CAPN14: variants seen among roughly 807,000 people sequenced by gnomAD.
The protein encoded by CAPN14 is calpain-14.
A neutral mutation model predicts 101.3 loss-of-function variants in CAPN14; 94 were observed. The ratio of observed to expected loss-of-function variants is 0.93; its 90% CI spans 0.79 to 1.10. CAPN14 has a LOEUF of 1.10. Ranked by LOEUF, CAPN14 falls within the 50% of genes least tolerant of loss-of-function variation. CAPN14 has a pLI of 0.00. For missense variants in CAPN14, 837 were observed against 828.4 expected (o/e 1.01, Z -0.13); for synonymous variants, 338 against 317.9 (o/e 1.06, Z -0.67).
Position 31,178,559 on chromosome 2 carries a change from C to T in CAPN14, c.1731G>A (p.Met577Ile), listed in dbSNP as rs1435322160. ...ALLDLNASGT[M>I]SIQEFRDLWK... ...ACAGGTCCCTGAATTCCTGGATGCT[C>T]ATAGTACCTGATGCATTAAGCTGAT... The change falls in exon 18 of 22, where the codon ATG (methionine) becomes ATA (isoleucine). Residue 577 changes from methionine (M) to isoleucine (I), a missense_variant. By Grantham distance (10) the Met-to-Ile change is conservative. Transcript: ENST00000403897. The T allele has an allele frequency of 6.5e-7, 1 of 1,547,020 alleles. No homozygotes were observed. Among genetic ancestry groups the T allele is most frequent in the Admixed American group, 2.0e-5 (1 of 50,134 alleles).
intron 2 of CAPN14, among the ~76,000 whole-genome samples, chr2:31,222,802 G>A (rs373524599): frequency 2.2e-4 from 33 of 152,236 alleles, no homozygotes; most frequent in African/African-American, 7.7e-4. Context: ...GAATGTTTGC[G>A]ACCTCCCAAA....
chr2:31,199,347 G>A (rs1354154149), intron 7 of CAPN14, 123 bp downstream of exon 7: 2 of 823,090 alleles, frequency 2.4e-6, no homozygotes, highest in African/African-American at 1.7e-5. Flanking sequence ...GAGGCACAGG[G>A]ACCCACCAAA....
rs577075208 is a variant in CAPN14, at chr2:31,181,795, A to G, written c.1646-795T>C. ...GTGTTTGGTTTTTTGTCCTTGCGAT[A>G]GTTTACTGAGAATGATGATTTCCAA... is the stretch of plus-strand genomic sequence containing the variant. On this transcript the variant is annotated intron_variant, in intron 16 of 21. Coordinates refer to ENST00000403897, the MANE Select transcript of CAPN14 (RefSeq NM_001145122.2). Among the ~76,000 whole-genome samples, 130 of 147,758 alleles carry G rather than the reference A, an allele frequency of 8.8e-4. 1 individual carries two copies. The highest frequency in any genetic ancestry group is 6.8e-4 in the Non-Finnish European group (46 of 67,526).
At chr2:31,183,883 A>T (rs191744469) in intron 16 of CAPN14, among the ~76,000 whole-genome samples, 1,534 of 102,698 alleles carry the variant, frequency 0.015, 17 homozygotes, top group Non-Finnish European at 0.022. Context: ...CTTTTCTTTC[A>T]CTTTCTTTCT....
At position 31,197,347 on chromosome 2, in the gene CAPN14, A is replaced by C; in HGVS notation, c.790-13T>G. ...GTTTGCAGGTCACCTGCATAAAATG[A>C]GAGGCAGTTTAGGTGACTGGGCTGA... is the stretch of plus-strand genomic sequence containing the variant. On this transcript the variant is annotated splice_polypyrimidine_tract_variant and intron_variant, in intron 7 of 21. Coordinates refer to ENST00000403897, the MANE Select transcript of CAPN14 (RefSeq NM_001145122.2). 2 of 1,539,018 alleles carry C rather than the reference A, an allele frequency of 1.3e-6. No homozygotes were observed. Among genetic ancestry groups the C allele is most frequent in the Non-Finnish European group, 8.8e-7 (1 of 1,135,446 alleles).
intron 21 of CAPN14, among the ~76,000 whole-genome samples, chr2:31,174,908 C>A (rs1680218780): frequency 6.6e-6 from 1 of 152,220 alleles, no homozygotes; most frequent in Non-Finnish European, 1.5e-5. Flanking sequence ...TGAATGATGA[C>A]AGTCAAATAC....
At chr2:31,174,750 C>A (rs758171099) in intron 21 of CAPN14, 43 bp from the exon 22 acceptor site, 2 of 1,548,554 alleles carry the variant, frequency 1.3e-6, no homozygotes, top group African/African-American at 1.4e-5. Context: ...TTCAGACCCA[C>A]GTCTCATCTG....
At chr2:31,220,531 AAACT>A (rs1335852326), upstream of CAPN14, among the ~76,000 whole-genome samples, 3 of 152,170 alleles carry the variant, frequency 2.0e-5, no homozygotes, top group Non-Finnish European at 2.9e-5. Context: ...AAGCTTCATA[AAACT>A]AACTGACGGC....
chr2:31,233,413 T>G (rs990622777), intron 1 of CAPN14, among the ~76,000 whole-genome samples: 1 of 152,224 alleles, frequency 6.6e-6, no homozygotes, highest in Non-Finnish European at 1.5e-5. Flanking sequence ...ATGCTTTCCA[T>G]GAAGCCTTCC....
chr2:31,222,458 A>G (rs1173834266), upstream of CAPN14, among the ~76,000 whole-genome samples: 1 of 152,174 alleles, frequency 6.6e-6, no homozygotes, highest in Non-Finnish European at 1.5e-5. Flanking sequence ...ACTGCTTACT[A>G]GTTGGATAGC....
intron 1 of CAPN14, among the ~76,000 whole-genome samples, chr2:31,207,054 A>G (rs892930985): frequency 1.3e-5 from 2 of 152,168 alleles, no homozygotes; most frequent in African/African-American, 2.4e-5. Context: ...TCCCATAACA[A>G]TGTTCAGCTC....
chr2:31,204,067 G>C (rs1219035658), intron 2 of CAPN14, among the ~76,000 whole-genome samples: 1 of 152,134 alleles, frequency 6.6e-6, no homozygotes, highest in African/African-American at 2.4e-5. Context: ...TTATCTCTCT[G>C]GCAGATGGTA....
chr2:31,201,952 A>C lies in CAPN14; in HGVS notation c.461T>G (p.Leu154Arg). ...NWVPVVIDDR[L>R]PVNEAGQLVF... ...CAGCTGGCCAGCCTCATTCACAGGCAGACGGTCATCGATCACCACAGGAAC... is the reference window on the plus strand; with the variant it reads ...CAGCTGGCCAGCCTCATTCACAGGCCGACGGTCATCGATCACCACAGGAAC... Residue 154 changes from leucine to arginine, a missense_variant, in exon 5 of 22, where the codon CTG (leucine) becomes CGG (arginine). Leu to Arg is a moderately radical substitution (Grantham distance 102, BLOSUM62 -2). Transcript: ENST00000403897. 1 of 1,551,618 alleles carries C rather than the reference A, an allele frequency of 6.4e-7. No individual in the cohort carries two copies. The highest frequency in any genetic ancestry group is 8.7e-7 in the Non-Finnish European group (1 of 1,147,008).
intron 15 of CAPN14, among the ~76,000 whole-genome samples, chr2:31,187,367 G>T (rs886996995): frequency 6.6e-6 from 1 of 151,510 alleles, no homozygotes; most frequent in Non-Finnish European, 1.5e-5. Flanking sequence ...TTCTCCCTGC[G>T]CTCCCCTCCA....
intron 11 of CAPN14, 152 bp downstream of exon 11, chr2:31,191,783 T>C: frequency 1.4e-6 from 1 of 716,152 alleles, no homozygotes; most frequent in Middle Eastern, 4.0e-4. Flanking sequence ...TTGTTCTAAA[T>C]CACATGTTCC....
At chr2:31,205,528 C>G in intron 1 of CAPN14, 29 bp from the exon 2 acceptor site, 2 of 1,138,052 alleles carry the variant, frequency 1.8e-6, no homozygotes, top group Non-Finnish European at 2.6e-6. Context: ...GGTCAGTTTC[C>G]TCACTTCCTC....
chr2:31,184,882 C>T (rs1680829330), intron 16 of CAPN14, among the ~76,000 whole-genome samples: 1 of 152,206 alleles, frequency 6.6e-6, no homozygotes, highest in South Asian at 2.1e-4. Flanking sequence ...ACAATTAGTT[C>T]ATGTTAGCTA....
intron 1 of CAPN14, among the ~76,000 whole-genome samples, chr2:31,209,711 A>C (rs1185684690): frequency 6.6e-6 from 1 of 152,194 alleles, no homozygotes; most frequent in African/African-American, 2.4e-5. Context: ...GGTGGGTCTC[A>C]GTGATATTTC....
At chr2:31,208,442 C>G (rs1382043135) in intron 1 of CAPN14, among the ~76,000 whole-genome samples, 1 of 152,150 alleles carries the variant, frequency 6.6e-6, no homozygotes, top group African/African-American at 2.4e-5. Flanking sequence ...CTGGGTCATA[C>G]CTGGATTCCT....
Sources: gnomAD v4.1 joint callset for allele counts (sites outside exome capture counted in the v4.1 genomes callset) on GRCh38, gnomAD v4.1.1 for gene constraint, MANE v1.5 for transcripts, NCBI Gene and HGNC (gene_info 2026-07-23, HGNC 2026-07-21) for gene names.